The following TBCA variants were observed in gnomAD, a reference collection of about 807,000 sequenced individuals.
TBCA encodes tubulin-specific chaperone A.
Under a neutral mutation model 15.8 loss-of-function variants are expected in TBCA, and 6 were observed. That is an observed-to-expected ratio of 0.38 (90% confidence interval 0.21 to 0.75). The LOEUF is 0.75. Ranked by LOEUF, TBCA falls within the 30% of genes least tolerant of loss-of-function variation. TBCA has a pLI of 0.46. For missense variants in TBCA, 90 were observed against 131.2 expected (o/e 0.69, Z 1.53); for synonymous variants, 32 against 42.3 (o/e 0.76, Z 0.94).
intron 1 of TBCA, among the ~76,000 whole-genome samples, chr5:77,768,127 A>G (rs897078889): frequency 1.3e-5 from 2 of 152,214 alleles, no homozygotes; most frequent in Middle Eastern, 3.2e-3. Context: ...CTCTGGAACT[A>G]TAAGAAATAA....
At chr5:77,774,473 T>A (rs532626546) in intron 1 of TBCA, among the ~76,000 whole-genome samples, 1 of 152,278 alleles carries the variant, frequency 6.6e-6, no homozygotes, top group African/African-American at 2.4e-5. Flanking sequence ...AACCTTGATC[T>A]CCACAACCCC....
At chr5:77,766,515 T>TATTTA (rs11416395) in intron 1 of TBCA, among the ~76,000 whole-genome samples, 2 of 37,726 alleles carry the variant, frequency 5.3e-5, no homozygotes, top group Non-Finnish European at 1.0e-4. Context: ...TTTATTTATT[T>TATTTA]TTTTTTTTTT....
At chr5:77,706,308 A>G (rs1265545819) in intron 2 of TBCA, among the ~76,000 whole-genome samples, 2 of 152,208 alleles carry the variant, frequency 1.3e-5, no homozygotes, top group Admixed American at 1.3e-4. Flanking sequence ...AATGCATCTA[A>G]CACTAGATTT....
chr5:77,727,216 G>A (rs2112463139), intron 1 of TBCA, among the ~76,000 whole-genome samples: 1 of 125,854 alleles, frequency 7.9e-6, no homozygotes, highest in African/African-American at 3.0e-5. Context: ...CAACCTGGGA[G>A]ACACAGTGAG....
chr5:77,744,530 CCT>C (rs1491441720), intron 1 of TBCA, among the ~76,000 whole-genome samples: 5 of 111,098 alleles, frequency 4.5e-5, no homozygotes, highest in African/African-American at 2.0e-4. Flanking sequence ...GTCTTATTCA[CCT>C]TTTTTTTTTT....
chr5:77,755,571 C>T (rs758241957), intron 1 of TBCA, among the ~76,000 whole-genome samples: 1 of 151,508 alleles, frequency 6.6e-6, no homozygotes, highest in Admixed American at 6.6e-5. Flanking sequence ...GAGACTCCAT[C>T]TCAAAAAATA....
chr5:77,749,893 T>C (rs1747277116), intron 1 of TBCA, among the ~76,000 whole-genome samples: 1 of 152,192 alleles, frequency 6.6e-6, no homozygotes, highest in African/African-American at 2.4e-5. Context: ...GGAACGAGGC[T>C]GCTCTACATG....
intron 1 of TBCA, among the ~76,000 whole-genome samples, 190 bp downstream of exon 1, chr5:77,776,015 G>A (rs1373198192): frequency 6.6e-6 from 1 of 152,200 alleles, no homozygotes. Flanking sequence ...AGCGGCGTGC[G>A]AGGCTGGCGG....
In TBCA at chr5:77,740,077, G is replaced by T. The variant is rs1042905433; in HGVS notation, c.54-31730C>A. Among the ~76,000 whole-genome samples, 5 of 152,174 alleles carry T rather than the reference G, an allele frequency of 3.3e-5. No individual in the cohort carries two copies. In the East Asian group the frequency reaches 9.6e-4, roughly 29 times the overall value. On this transcript the variant is annotated intron_variant, in intron 1 of 3. Transcript: ENST00000380377. ...GGATATCTGGCAGGAGTACTAAGCA[G>T]GGAGGCAGCATTCTAGGTGCTAAGA...
intron 1 of TBCA, among the ~76,000 whole-genome samples, chr5:77,770,863 TA>T (rs1747891989): frequency 6.6e-6 from 1 of 152,058 alleles, no homozygotes; most frequent in African/African-American, 2.4e-5. Context: ...GGGCCAGGCA[TA>T]GTGGCTCACG....
intron 1 of TBCA, among the ~76,000 whole-genome samples, chr5:77,721,991 T>C (rs996138788): frequency 2.6e-5 from 4 of 152,058 alleles, no homozygotes; most frequent in African/African-American, 9.7e-5. Context: ...GAAAAATCTC[T>C]AACTTTATCT....
At chr5:77,739,969 T>C (rs1162748969) in intron 1 of TBCA, among the ~76,000 whole-genome samples, 7 of 152,166 alleles carry the variant, frequency 4.6e-5, no homozygotes, top group Non-Finnish European at 1.0e-4. Flanking sequence ...GGGAGGGCTA[T>C]TAAGAATACT....
chr5:77,701,042 G>A (rs1156853397), intron 2 of TBCA, among the ~76,000 whole-genome samples: 2 of 151,892 alleles, frequency 1.3e-5, no homozygotes, highest in Non-Finnish European at 2.9e-5. Context: ...AAAAGGAAAT[G>A]TAATAAAAAC....
At chr5:77,709,024 C>A (rs1392042059) in intron 1 of TBCA, among the ~76,000 whole-genome samples, 1 of 144,534 alleles carries the variant, frequency 6.9e-6, no homozygotes, top group Non-Finnish European at 1.5e-5. Flanking sequence ...AACCTTTATA[C>A]ATGTATCTGA....
chr5:77,740,777 T>C (rs1477408083), intron 1 of TBCA, among the ~76,000 whole-genome samples: 1 of 151,240 alleles, frequency 6.6e-6, no homozygotes, highest in Non-Finnish European at 1.5e-5. Flanking sequence ...GCTGATGGAG[T>C]AAAAAAGGGA....
chr5:77,703,813 C>G (rs1307313698), intron 2 of TBCA, among the ~76,000 whole-genome samples: 2 of 152,082 alleles, frequency 1.3e-5, no homozygotes, highest in Admixed American at 6.6e-5. Flanking sequence ...TATGGTTTTA[C>G]TCTGTGTCCC....
At position 77,750,659 on chromosome 5, in the gene TBCA, T is replaced by C. The variant is rs191674417; in HGVS notation, c.53+25546A>G. ...AGTAAGAGGCACATTTGGCCAACAA[T>C]ATCACCTTTGTGAACTCAAAATATC... is the stretch of plus-strand genomic sequence containing the variant. On this transcript the variant is annotated intron_variant, in intron 1 of 3. Coordinates refer to ENST00000380377, the MANE Select transcript of TBCA (RefSeq NM_004607.3). Among the ~76,000 whole-genome samples the C allele has an allele frequency of 3.9e-5, 6 of 152,284 alleles. No homozygotes were observed. In the East Asian group the frequency reaches 1.2e-3, roughly 29 times the overall value.
intron 1 of TBCA, among the ~76,000 whole-genome samples, chr5:77,717,325 C>T (rs902478272): frequency 1.3e-5 from 2 of 152,144 alleles, no homozygotes; most frequent in African/African-American, 4.8e-5. Context: ...AGAAATAATG[C>T]TTTCCTACTT....
At chr5:77,730,071 T>C (rs1253149886) in intron 1 of TBCA, among the ~76,000 whole-genome samples, 1 of 152,204 alleles carries the variant, frequency 6.6e-6, no homozygotes, top group Non-Finnish European at 1.5e-5. Context: ...CTCTGAAGCT[T>C]GGATATTCTG....
Sources: allele counts gnomAD v4.1 joint callset (sites outside exome capture counted in the v4.1 genomes callset), GRCh38; gene constraint gnomAD v4.1.1; transcripts MANE v1.5; gene names NCBI Gene and HGNC (gene_info 2026-07-23, HGNC 2026-07-21).